The following PCDH15 variants were observed in gnomAD, a reference collection of about 807,000 sequenced individuals.
The protein encoded by PCDH15 is protocadherin related 15.
A neutral mutation model predicts 178.5 loss-of-function variants in PCDH15; 129 were observed. The observed-to-expected ratio is 0.72, with a 90% CI of 0.63 to 0.84. The LOEUF is 0.84. PCDH15 is among the 40% of genes least tolerant of loss of function. The pLI is 0.00. For missense variants in PCDH15, 2,230 were observed against 2,099.9 expected (o/e 1.06, Z -1.21); for synonymous variants, 800 against 732.0 (o/e 1.09, Z -1.50).
At chr10:55,014,479 A>G (rs1840122433) in intron 2 of PCDH15, among the ~76,000 whole-genome samples, 1 of 143,968 alleles carries the variant, frequency 6.9e-6, no homozygotes, top group Admixed American at 7.2e-5. Flanking sequence ...AATGATGCTT[A>G]TAACCAGACC....
intron 2 of PCDH15, among the ~76,000 whole-genome samples, chr10:55,459,217 G>A (rs1488604257): frequency 1.5e-5 from 2 of 134,214 alleles, no homozygotes; most frequent in Middle Eastern, 3.8e-3. Context: ...ATTAGCAGCC[G>A]AGTGTCCTTG....
chr10:54,917,493 T>C (rs947388155), intron 2 of PCDH15, among the ~76,000 whole-genome samples: 7 of 152,170 alleles, frequency 4.6e-5, no homozygotes, highest in Non-Finnish European at 7.4e-5. Flanking sequence ...CAGTACATCA[T>C]AATACAACAT....
chr10:55,376,053 T>G (rs1447093871), intron 2 of PCDH15, among the ~76,000 whole-genome samples: 1 of 152,000 alleles, frequency 6.6e-6, no homozygotes, highest in Non-Finnish European at 1.5e-5. Context: ...AGTGCTTATA[T>G]TCCTCAAAAG....
At chr10:55,015,564 T>C (rs1044943927) in intron 2 of PCDH15, among the ~76,000 whole-genome samples, 1 of 152,150 alleles carries the variant, frequency 6.6e-6, no homozygotes. Flanking sequence ...GATTATGTTA[T>C]ATGGTCAACC....
chr10:55,542,644 T>C (rs2132078125), intron 2 of PCDH15, among the ~76,000 whole-genome samples: 2 of 136,596 alleles, frequency 1.5e-5, no homozygotes, highest in African/African-American at 5.4e-5. Flanking sequence ...CAGACATATG[T>C]ATGTGTCTAT....
intron 20 of PCDH15, among the ~76,000 whole-genome samples, chr10:54,006,243 C>T (rs2092383056): frequency 2.6e-5 from 4 of 152,154 alleles, no homozygotes; most frequent in Admixed American, 2.6e-4. Context: ...TTTTCTCCTG[C>T]TATCACCAAG....
At chr10:54,511,725 G>A (rs1338895922) in intron 3 of PCDH15, among the ~76,000 whole-genome samples, 1 of 152,106 alleles carries the variant, frequency 6.6e-6, no homozygotes, top group Middle Eastern at 3.2e-3. Flanking sequence ...AAATATGACT[G>A]AAATAGATTT....
Position 54,182,868 on chromosome 10 carries a change from C to A in PCDH15, c.1590+576G>T, listed in dbSNP as rs374303553. On this transcript the variant is annotated intron_variant, in intron 13 of 37. Transcript: ENST00000644397. ...AGCTATGCTTTTTTTTTTAAAGTAA[C>A]AACCAAGCATTTATTCACTTACTAC... 5.9e-5 allele frequency among the ~76,000 whole-genome samples: 9 copies of A among 151,626 alleles called. No homozygotes were observed. In the East Asian group the frequency reaches 1.4e-3, roughly 23 times the overall value.
intron 1 of PCDH15, among the ~76,000 whole-genome samples, chr10:54,752,492 C>A (rs11498113): frequency 0.092 from 5,797 of 63,328 alleles, 1,026 homozygotes; most frequent in Non-Finnish European, 0.15. Flanking sequence ...AAAAAAAAAA[C>A]AAAAAACAAA....
intron 22 of PCDH15, among the ~76,000 whole-genome samples, chr10:53,961,416 C>A (rs1044784944): frequency 3.3e-5 from 5 of 151,792 alleles, no homozygotes; most frequent in African/African-American, 1.2e-4. Context: ...GTATTAATGT[C>A]ACTTATTGGC....
At chr10:54,585,238 G>A (rs1359056383) in intron 2 of PCDH15, among the ~76,000 whole-genome samples, 2 of 152,004 alleles carry the variant, frequency 1.3e-5, no homozygotes, top group African/African-American at 2.4e-5. Flanking sequence ...ACCTTAATTG[G>A]AATATCTATC....
chr10:53,916,008 A>G (rs1003576293), intron 25 of PCDH15, among the ~76,000 whole-genome samples: 1 of 152,326 alleles, frequency 6.6e-6, no homozygotes, highest in East Asian at 1.9e-4. Flanking sequence ...GAAGTCCCTG[A>G]TAGAAAATGG....
intron 2 of PCDH15, among the ~76,000 whole-genome samples, chr10:54,902,940 G>A (rs934287601): frequency 3.3e-5 from 5 of 152,078 alleles, no homozygotes; most frequent in Admixed American, 1.3e-4. Flanking sequence ...CGGGTTACAG[G>A]TTTTTCTTTC....
chr10:53,885,642 T>C (rs1431886042), intron 26 of PCDH15, among the ~76,000 whole-genome samples: 4 of 152,152 alleles, frequency 2.6e-5, no homozygotes, highest in Non-Finnish European at 5.9e-5. Flanking sequence ...CTTTATAACA[T>C]GGTGCTAAGA....
At chr10:55,048,805 C>T (rs1055332396) in intron 2 of PCDH15, among the ~76,000 whole-genome samples, 2 of 151,794 alleles carry the variant, frequency 1.3e-5, no homozygotes, top group African/African-American at 2.4e-5. Flanking sequence ...GTTTTTGGCA[C>T]AGCTTAATTT....
rs141415238 is a variant in PCDH15, at chr10:54,629,446, C to G, written c.91+34726G>C. 1.6e-3 allele frequency among the ~76,000 whole-genome samples: 239 copies of G among 152,214 alleles called. 1 individual carries two copies. Among genetic ancestry groups the G allele is most frequent in the African/African-American group, 5.4e-3 (224 of 41,542 alleles). On this transcript the variant is annotated intron_variant, in intron 2 of 37. Coordinates refer to ENST00000644397, the MANE Select transcript of PCDH15 (RefSeq NM_001384140.1). Reference sequence around the variant, plus strand: ...GGAAGCAAAGTTGGTTCAACATACGCAAATCAATAAATTTGATTCACCTCA... The same window carrying G: ...GGAAGCAAAGTTGGTTCAACATACGGAAATCAATAAATTTGATTCACCTCA...
intron 2 of PCDH15, chr10:54,605,989 G>A (rs2092724172): frequency 6.6e-6 from 1 of 152,064 alleles, no homozygotes. Flanking sequence ...GAGAATTTGT[G>A]GAAATATCCA....
chr10:54,260,691 C>T (rs565148218), intron 8 of PCDH15, among the ~76,000 whole-genome samples: 17 of 152,208 alleles, frequency 1.1e-4, no homozygotes, highest in Non-Finnish European at 2.1e-4. Flanking sequence ...AGCGATTCTC[C>T]GGCCTCAGCC....
At position 55,575,758 on chromosome 10, in the gene PCDH15, G is replaced by A. The variant is rs1842484902; in HGVS notation, c.-156+51867C>T. The A allele has an allele frequency of 2.0e-5, 3 of 152,162 alleles. No individual in the cohort carries two copies. In the South Asian group the frequency reaches 6.2e-4, roughly 31 times the overall value. The allele number at this position is 152,162 out of a possible 1,614,324, so 9.4% of individuals were successfully genotyped here. A position where few individuals can be genotyped will look rare whatever the true frequency, so the allele number is the denominator to read the frequency against. ...TGCACTTTAATACTGTTAGACACTTGGAGGAAATTCACGAACAATTCCCTT... is the reference window on the plus strand; with the variant it reads ...TGCACTTTAATACTGTTAGACACTTAGAGGAAATTCACGAACAATTCCCTT... On this transcript the variant is annotated intron_variant, in intron 2 of 5. Transcript: ENST00000613346.
Sources: gnomAD v4.1 joint callset for allele counts (sites outside exome capture counted in the v4.1 genomes callset) on GRCh38, gnomAD v4.1.1 for gene constraint, MANE v1.5 for transcripts, NCBI Gene and HGNC (gene_info 2026-07-23, HGNC 2026-07-21) for gene names.